Variants in EDIL3 observed in about 807,000 individuals in gnomAD.
EDIL3 encodes the protein EGF like and discoidin domains 3.
Under a neutral mutation model 67.4 loss-of-function variants are expected in EDIL3, and 37 were observed. The observed-to-expected ratio is 0.55, with a 90% CI of 0.42 to 0.72. The LOEUF (loss-of-function observed/expected upper bound fraction) is 0.72, where lower values mean the gene tolerates loss of function less well. Ranked by LOEUF, EDIL3 falls within the 30% of genes least tolerant of loss-of-function variation. EDIL3 has a pLI of 0.00. For synonymous variants in EDIL3, 195 were observed against 196.3 expected, an observed-to-expected ratio of 0.99 and a Z score of 0.05; for missense variants, 527 against 586.3, an observed-to-expected ratio of 0.90 and a Z score of 1.04.
chr5:84,302,593 G>A (rs1193420366), intron 1 of EDIL3, among the ~76,000 whole-genome samples: 1 of 152,170 alleles, frequency 6.6e-6, no homozygotes, highest in African/African-American at 2.4e-5. Flanking sequence ...ACTGCGTCCA[G>A]CCCCAATTAT....
At chr5:84,181,583 A>G (rs985811206) in intron 3 of EDIL3, among the ~76,000 whole-genome samples, 1 of 151,994 alleles carries the variant, frequency 6.6e-6, no homozygotes, top group South Asian at 2.1e-4. Context: ...GGCTCATCCT[A>G]TCTACTCTTG....
intron 1 of EDIL3, among the ~76,000 whole-genome samples, chr5:84,298,138 C>T (rs143089143): frequency 6.6e-6 from 1 of 152,180 alleles, no homozygotes; most frequent in East Asian, 1.9e-4. Flanking sequence ...GAGTACATAC[C>T]CAAAGGAGTA....
intron 6 of EDIL3, among the ~76,000 whole-genome samples, chr5:84,081,487 A>G (rs574982723): frequency 6.6e-6 from 1 of 152,340 alleles, no homozygotes; most frequent in East Asian, 1.9e-4. Flanking sequence ...CATTAGAAAC[A>G]ATGAAATTAA....
chr5:84,371,756 A>T (rs916792150), intron 1 of EDIL3, among the ~76,000 whole-genome samples: 3 of 152,042 alleles, frequency 2.0e-5, no homozygotes, highest in Admixed American at 6.6e-5. Flanking sequence ...ATTCCAGTGA[A>T]GGCAAATGCA....
chr5:84,371,402 T>G, intron 1 of EDIL3, among the ~76,000 whole-genome samples: 1 of 143,904 alleles, frequency 6.9e-6, no homozygotes, highest in African/African-American at 2.5e-5. Context: ...TGTGTATATA[T>G]ATGTGTGTAT....
At chr5:84,042,748 T>G (rs906540786) in intron 9 of EDIL3, among the ~76,000 whole-genome samples, 2 of 152,136 alleles carry the variant, frequency 1.3e-5, no homozygotes, top group Non-Finnish European at 2.9e-5. Flanking sequence ...GCTTGTTAAA[T>G]GAGGAAAATC....
intron 3 of EDIL3, among the ~76,000 whole-genome samples, chr5:84,219,089 A>G (rs1365349032): frequency 6.6e-6 from 1 of 152,168 alleles, no homozygotes; most frequent in African/African-American, 2.4e-5. Context: ...ACCCAGTGCT[A>G]TCCCAGTGTT....
At chr5:84,255,228 G>A (rs1745103595) in intron 1 of EDIL3, among the ~76,000 whole-genome samples, 2 of 152,104 alleles carry the variant, frequency 1.3e-5, no homozygotes, top group Admixed American at 1.3e-4. Flanking sequence ...GTAAATTATC[G>A]AATGCCAGAA....
At chr5:84,352,243 A>G (rs1428413761) in intron 1 of EDIL3, among the ~76,000 whole-genome samples, 1 of 152,202 alleles carries the variant, frequency 6.6e-6, no homozygotes, top group Non-Finnish European at 1.5e-5. Context: ...TTAAAGAGCC[A>G]AAGATAGAAC....
At chr5:84,015,653 A>G (rs553167581) in intron 9 of EDIL3, among the ~76,000 whole-genome samples, 32 of 151,622 alleles carry the variant, frequency 2.1e-4, no homozygotes, top group African/African-American at 5.1e-4. Flanking sequence ...ATATAACAAG[A>G]GTGTGTTATA....
chr5:83,974,489 A>T (rs114265948), intron 9 of EDIL3, among the ~76,000 whole-genome samples: 4,357 of 151,854 alleles, frequency 0.029, 175 homozygotes, highest in African/African-American at 0.09. Flanking sequence ...TAAAAAAAAA[A>T]TTTTTTTGTT....
At chr5:84,242,734 G>A (rs551589251) in intron 2 of EDIL3, among the ~76,000 whole-genome samples, 52 of 147,516 alleles carry the variant, frequency 3.5e-4, no homozygotes, top group Non-Finnish European at 5.9e-4. Flanking sequence ...GGACATTGAG[G>A]CTGCAGTGAG....
intron 1 of EDIL3, among the ~76,000 whole-genome samples, chr5:84,349,969 T>TA (rs1229298583): frequency 6.6e-6 from 1 of 152,150 alleles, no homozygotes; most frequent in East Asian, 1.9e-4. Flanking sequence ...ACGAGGTAGA[T>TA]ACTACTCTTT....
In EDIL3 at chr5:84,225,962, C is replaced by T. The variant is rs113592209; in HGVS notation, c.226+3893G>A. On this transcript the variant is annotated intron_variant, in intron 3 of 10. Coordinates refer to ENST00000296591, the MANE Select transcript of EDIL3 (RefSeq NM_005711.5). ...TGCTGTGATTTTTGGCAGTAAAAAA[C>T]GCTATTTATTGTATTATTTATTCTA... Among the ~76,000 whole-genome samples the T allele has an allele frequency of 1.3e-3, 199 of 151,636 alleles. 1 individual carries two copies. The highest frequency in any genetic ancestry group is 4.5e-3 in the African/African-American group (187 of 41,492).
chr5:84,230,842 A>T (rs762316002), intron 2 of EDIL3, among the ~76,000 whole-genome samples: 7 of 147,750 alleles, frequency 4.7e-5, no homozygotes, highest in Non-Finnish European at 7.4e-5. Flanking sequence ...AAAATTTAGT[A>T]GTGATGATTC....
intron 5 of EDIL3, among the ~76,000 whole-genome samples, chr5:84,110,199 C>A (rs961649605): frequency 2.6e-5 from 4 of 152,064 alleles, no homozygotes; most frequent in African/African-American, 4.8e-5. Flanking sequence ...ATAAGCAAAT[C>A]CAAGCCTTAG....
intron 9 of EDIL3, among the ~76,000 whole-genome samples, chr5:84,017,393 T>C (rs1272302308): frequency 1.3e-5 from 2 of 152,220 alleles, no homozygotes; most frequent in Admixed American, 6.6e-5. Context: ...TTGTGAAACA[T>C]GTAACCAACA....
intron 1 of EDIL3, among the ~76,000 whole-genome samples, chr5:84,357,630 T>C (rs1747515639): frequency 6.6e-6 from 1 of 152,160 alleles, no homozygotes; most frequent in Non-Finnish European, 1.5e-5. Context: ...GGCTCACGCC[T>C]GTAATCCCAG....
chr5:84,338,973 G>C (rs998656695), intron 1 of EDIL3, among the ~76,000 whole-genome samples: 1 of 151,646 alleles, frequency 6.6e-6, no homozygotes, highest in Admixed American at 6.6e-5. Flanking sequence ...AATGTAAATA[G>C]ATCTGTCACT....
Sources: allele counts gnomAD v4.1 joint callset (sites outside exome capture counted in the v4.1 genomes callset), GRCh38; gene constraint gnomAD v4.1.1; transcripts MANE v1.5; gene names NCBI Gene and HGNC (gene_info 2026-07-23, HGNC 2026-07-21).